EFNA5: variants seen among roughly 807,000 people sequenced by gnomAD.
The protein encoded by EFNA5 is ephrin A5, also known as ephrin-A5.
EFNA5 carries 5 observed loss-of-function variants against 22.9 expected under a neutral mutation model. The observed-to-expected ratio is 0.22, with a 90% confidence interval of 0.11 to 0.46. The LOEUF is 0.46. Among genes scored for constraint, EFNA5 ranks in the 20% least tolerant of loss-of-function variants. The pLI, the probability that EFNA5 is intolerant of heterozygous loss-of-function variation, is 0.99. For missense variants in EFNA5, 237 were observed against 293.3 expected, an observed-to-expected ratio of 0.81 and a Z score of 1.40; for synonymous variants, 113 against 112.2, an observed-to-expected ratio of 1.01 and a Z score of -0.04.
At chr5:107,600,190 T>C (rs1372632039) in intron 1 of EFNA5, among the ~76,000 whole-genome samples, 2 of 152,126 alleles carry the variant, frequency 1.3e-5, no homozygotes, top group Admixed American at 6.5e-5. Flanking sequence ...AGAAGGGAAA[T>C]GAATGCCAAG....
intron 1 of EFNA5, among the ~76,000 whole-genome samples, chr5:107,502,880 TC>T (rs1241809554): frequency 3.3e-5 from 5 of 152,058 alleles, no homozygotes; most frequent in African/African-American, 1.2e-4. Context: ...CCAACCCTCT[TC>T]CCATTCATTG....
chr5:107,486,014 T>G (rs1188375043), intron 1 of EFNA5, among the ~76,000 whole-genome samples: 1 of 152,162 alleles, frequency 6.6e-6, no homozygotes, highest in African/African-American at 2.4e-5. Context: ...CAAGACAATG[T>G]CATGTTGAGG....
intron 1 of EFNA5, among the ~76,000 whole-genome samples, chr5:107,536,141 C>A (rs1267440551): frequency 1.3e-5 from 2 of 152,208 alleles, no homozygotes; most frequent in African/African-American, 4.8e-5. Flanking sequence ...TCAGATGACA[C>A]CATACAATTA....
chr5:107,521,801 C>A lies in EFNA5; in HGVS notation c.126-94292G>T, dbSNP rs183825240. Among the ~76,000 whole-genome samples the A allele has an allele frequency of 1.7e-4, 26 of 152,072 alleles. No individual in the cohort carries two copies. In the South Asian group the frequency reaches 4.8e-3, roughly 28 times the overall value. ...AGTGCATAAATTGTAAGTTGAAGAC[C>A]ATCTATATATTATTGTATGTCTTTT... On this transcript the variant is annotated intron_variant, in intron 1 of 4. Coordinates refer to ENST00000333274, the MANE Select transcript of EFNA5 (RefSeq NM_001962.3).
intron 2 of EFNA5, among the ~76,000 whole-genome samples, chr5:107,396,212 T>C (rs886963512): frequency 1.4e-4 from 21 of 152,216 alleles, no homozygotes. Context: ...GAAACATTAC[T>C]TAGCGGTTTG....
At chr5:107,448,606 G>A (rs1461332322) in intron 1 of EFNA5, among the ~76,000 whole-genome samples, 26 of 151,866 alleles carry the variant, frequency 1.7e-4, no homozygotes, top group Admixed American at 6.6e-5. Flanking sequence ...TGAGGCGGGC[G>A]GATCACGAGA....
intron 1 of EFNA5, among the ~76,000 whole-genome samples, chr5:107,591,020 G>C (rs1749313917): frequency 6.6e-6 from 1 of 151,298 alleles, no homozygotes; most frequent in East Asian, 2.0e-4. Context: ...ACTACCATCT[G>C]TTGTTTCAAT....
intron 1 of EFNA5, among the ~76,000 whole-genome samples, chr5:107,480,645 AT>A (rs1478710437): frequency 6.6e-6 from 1 of 152,232 alleles, no homozygotes; most frequent in Non-Finnish European, 1.5e-5. Context: ...TCTTAAGTGT[AT>A]AAAAAGCAAA....
chr5:107,420,542 A>AG (rs1449318205), intron 2 of EFNA5, among the ~76,000 whole-genome samples: 960 of 84,486 alleles, frequency 0.011, 6 homozygotes, highest in South Asian at 0.016. Flanking sequence ...AAAAAAAAAG[A>AG]AAAAAAAAAA....
chr5:107,505,256 A>T (rs1747225160), intron 1 of EFNA5, among the ~76,000 whole-genome samples: 1 of 152,222 alleles, frequency 6.6e-6, no homozygotes, highest in African/African-American at 2.4e-5. Flanking sequence ...AATTTCAAAT[A>T]ATATCAAATG....
chr5:107,550,023 G>C (rs1748253776), intron 1 of EFNA5, among the ~76,000 whole-genome samples: 1 of 152,196 alleles, frequency 6.6e-6, no homozygotes, highest in Admixed American at 6.5e-5. Context: ...ACATTTTTAG[G>C]ACAGTAATCT....
chr5:107,510,753 T>A (rs1251202604), intron 1 of EFNA5, among the ~76,000 whole-genome samples: 2 of 152,104 alleles, frequency 1.3e-5, no homozygotes, highest in Non-Finnish European at 1.5e-5. Context: ...TTTATAAACC[T>A]CCTGGATGCA....
intron 1 of EFNA5, among the ~76,000 whole-genome samples, chr5:107,642,949 A>C (rs1275159279): frequency 1.1e-4 from 17 of 151,874 alleles, no homozygotes; most frequent in Admixed American, 1.1e-3. Context: ...AAAAAAAAAA[A>C]ACTAATCTAG....
intron 1 of EFNA5, among the ~76,000 whole-genome samples, chr5:107,442,929 TAAAAAAAAA>T (rs544741414): frequency 3.3e-4 from 27 of 82,352 alleles, no homozygotes; most frequent in African/African-American, 1.2e-3. Context: ...CCCCAGGTAC[TAAAAAAAAA>T]AAAAAAAAAA....
intron 1 of EFNA5, among the ~76,000 whole-genome samples, chr5:107,582,219 A>G (rs1365864820): frequency 6.6e-6 from 1 of 152,218 alleles, no homozygotes; most frequent in East Asian, 1.9e-4. Flanking sequence ...AATGTTTTTG[A>G]TATGCTAAAG....
intron 1 of EFNA5, among the ~76,000 whole-genome samples, chr5:107,608,840 A>G (rs26726): frequency 0.38 from 58,018 of 152,104 alleles, 11,786 homozygotes; most frequent in African/African-American, 0.52. Context: ...GAAGCTGAAT[A>G]AAGAGATCAG....
chr5:107,489,660 A>ACCCCCCC (rs4011600), intron 1 of EFNA5, among the ~76,000 whole-genome samples: 1 of 143,172 alleles, frequency 7.0e-6, no homozygotes, highest in African/African-American at 2.6e-5. Flanking sequence ...GACCCCACCT[A>ACCCCCCC]CCCCCCCCAC....
intron 1 of EFNA5, among the ~76,000 whole-genome samples, chr5:107,591,965 A>G (rs191360446): frequency 0.08 from 2,743 of 34,438 alleles, 242 homozygotes; most frequent in Non-Finnish European, 0.1. Context: ...TATAATATAT[A>G]TAATATATAT....
chr5:107,535,902 C>T (rs1471368178), intron 1 of EFNA5, among the ~76,000 whole-genome samples: 1 of 152,178 alleles, frequency 6.6e-6, no homozygotes, highest in Admixed American at 6.5e-5. Context: ...ATTCCTCACT[C>T]ATTGTCTAGT....
Sources: allele counts gnomAD v4.1 joint callset (sites outside exome capture counted in the v4.1 genomes callset), GRCh38; gene constraint gnomAD v4.1.1; transcripts MANE v1.5; gene names NCBI Gene and HGNC (gene_info 2026-07-23, HGNC 2026-07-21).